Variants in TGFBR3 observed in about 807,000 individuals in gnomAD.
The protein encoded by TGFBR3 is transforming growth factor beta receptor type 3.
In TGFBR3, 46 loss-of-function variants were observed where a neutral mutation model predicts 87.9. That is an observed-to-expected ratio of 0.52 (90% CI 0.41 to 0.67). TGFBR3 has a LOEUF of 0.67. Among genes scored for constraint, TGFBR3 ranks in the 30% least tolerant of loss-of-function variants. TGFBR3 has a pLI of 0.00. For synonymous variants in TGFBR3, 381 were observed against 391.6 expected (o/e 0.97, Z 0.32); for missense variants, 866 against 1,041.9 (o/e 0.83, Z 2.32).
At chr1:91,847,758 T>A (rs1306850541) in intron 2 of TGFBR3, among the ~76,000 whole-genome samples, 1 of 152,056 alleles carries the variant, frequency 6.6e-6, no homozygotes, top group Non-Finnish European at 1.5e-5. Context: ...AAAGTCCCCC[T>A]TTTATCCACT....
intron 2 of TGFBR3, among the ~76,000 whole-genome samples, chr1:91,853,036 G>T (rs545540520): frequency 7.7e-4 from 117 of 151,728 alleles, no homozygotes; most frequent in South Asian, 2.5e-3. Context: ...GCGTGCACCC[G>T]TAGTCCCAGC....
At chr1:91,904,288 A>AT (rs1285182606) in intron 1 of TGFBR3, among the ~76,000 whole-genome samples, 10,699 of 126,048 alleles carry the variant, frequency 0.085, 460 homozygotes, top group African/African-American at 0.092. Flanking sequence ...CAGGGCTTGG[A>AT]TTTTTTTTTT....
intron 14 of TGFBR3, among the ~76,000 whole-genome samples, chr1:91,705,227 T>C: frequency 1.1e-5 from 1 of 94,146 alleles, no homozygotes; most frequent in Admixed American, 1.2e-4. Context: ...TCTCTTTTCT[T>C]TTTTTTTTTT....
intron 3 of TGFBR3, among the ~76,000 whole-genome samples, chr1:91,787,990 A>G (rs557678353): frequency 1.3e-5 from 2 of 151,934 alleles, no homozygotes; most frequent in South Asian, 4.2e-4. Flanking sequence ...CTGAGAAAGA[A>G]ACAGAAAAAC....
At chr1:91,823,521 G>A (rs1387806320) in intron 2 of TGFBR3, among the ~76,000 whole-genome samples, 8 of 152,162 alleles carry the variant, frequency 5.3e-5, no homozygotes, top group East Asian at 3.8e-4. Context: ...TCCATACCGC[G>A]GAAAACATTC....
At chr1:91,686,523 A>C (rs1156492253) in intron 16 of TGFBR3, among the ~76,000 whole-genome samples, 2 of 152,218 alleles carry the variant, frequency 1.3e-5, no homozygotes, top group Non-Finnish European at 2.9e-5. Flanking sequence ...CATCCTTTCC[A>C]GTTCTGTGGC....
chr1:91,812,749 G>A lies in TGFBR3; in HGVS notation c.62-15278C>T, dbSNP rs544004943. On this transcript the variant is annotated intron_variant, in intron 2 of 16. Coordinates refer to ENST00000212355, the MANE Select transcript of TGFBR3 (RefSeq NM_003243.5). ...CTACCTCAGCCTCCTGAGTAGCTGG[G>A]ATTACAGGTACTCACCACCATGCCC... 9.9e-5 allele frequency among the ~76,000 whole-genome samples: 15 copies of A among 152,236 alleles called. 1 individual carries two copies. The highest frequency in any genetic ancestry group is 9.1e-4 in the Admixed American group (14 of 15,302).
intron 4 of TGFBR3, among the ~76,000 whole-genome samples, chr1:91,757,527 A>AT (rs1229736388): frequency 6.6e-6 from 1 of 152,180 alleles, no homozygotes; most frequent in East Asian, 1.9e-4. Context: ...GCATCTGTTG[A>AT]TAATTCTTGC....
chr1:91,729,731 CCT>C, intron 6 of TGFBR3, 72 bp downstream of exon 6: 5 of 1,568,996 alleles, frequency 3.2e-6, no homozygotes, highest in Non-Finnish European at 4.4e-6. Flanking sequence ...ACGGGCTACA[CCT>C]CTCCCTGCCT....
At chr1:91,699,816 G>A (rs1468683176) in intron 14 of TGFBR3, among the ~76,000 whole-genome samples, 1 of 152,202 alleles carries the variant, frequency 6.6e-6, no homozygotes, top group Non-Finnish European at 1.5e-5. Context: ...GCGTAGCTCT[G>A]TCCCTAGCTG....
chr1:91,698,171 C>A, intron 14 of TGFBR3, 41 bp from the exon 15 acceptor site: 1 of 1,578,886 alleles, frequency 6.3e-7, no homozygotes, highest in African/African-American at 1.3e-5. Context: ...CTATGGAGAA[C>A]CAAGATTTAA....
Position 91,894,880 on chromosome 1 carries a change from C to T in TGFBR3, c.-114+4757G>A, listed in dbSNP as rs546622465. On this transcript the variant is annotated intron_variant, in intron 2 of 17. Coordinates refer to the TGFBR3 transcript ENST00000370399. ...CCGCCTCCTGGGTTCAAGAGATTCT[C>T]CTGCCTCAGCCTCCCGAGTAGCTGG... Among the ~76,000 whole-genome samples the T allele has an allele frequency of 1.2e-4, 18 of 152,344 alleles. No homozygotes were observed. The East Asian group carries it at 3.3e-3, about 28-fold the overall frequency.
chr1:91,753,420 T>TAAAAAA (rs1673626867), intron 4 of TGFBR3, among the ~76,000 whole-genome samples: 1 of 109,146 alleles, frequency 9.2e-6, no homozygotes, highest in Non-Finnish European at 1.9e-5. Context: ...AAAAAAAAAG[T>TAAAAAA]GCTGCAGCAA....
At chr1:91,818,277 CCTTTTTTTTTTTTTTTT>C (rs372489840) in intron 2 of TGFBR3, among the ~76,000 whole-genome samples, 20,324 of 122,506 alleles carry the variant, frequency 0.17, 4,428 homozygotes, top group Middle Eastern at 0.25. Context: ...TTAGCCCCAG[CCTTTTTTTTTTTTTTTT>C]TTTTTTTTTT....
At chr1:91,717,082 C>A (rs1171806395) in intron 10 of TGFBR3, among the ~76,000 whole-genome samples, 2 of 152,164 alleles carry the variant, frequency 1.3e-5, no homozygotes, top group Admixed American at 6.5e-5. Context: ...AAGGGGCTTC[C>A]CCTTAAGAGT....
At chr1:91,780,356 G>T (rs1674715845) in intron 3 of TGFBR3, among the ~76,000 whole-genome samples, 2 of 152,040 alleles carry the variant, frequency 1.3e-5, no homozygotes, top group Non-Finnish European at 2.9e-5. Flanking sequence ...TGGTAATCTG[G>T]TAAGACAATA....
chr1:91,753,816 A>G (rs1008720299), intron 4 of TGFBR3, among the ~76,000 whole-genome samples: 2 of 152,200 alleles, frequency 1.3e-5, no homozygotes, highest in African/African-American at 4.8e-5. Context: ...ATTCCATTAT[A>G]TGGATATAGC....
intron 2 of TGFBR3, among the ~76,000 whole-genome samples, chr1:91,827,161 G>A (rs549224555): frequency 2.2e-4 from 34 of 152,242 alleles, no homozygotes; most frequent in African/African-American, 7.9e-4. Flanking sequence ...AGCTCCCGGG[G>A]TGGGGACGCC....
intron 10 of TGFBR3, among the ~76,000 whole-genome samples, chr1:91,717,913 T>A (rs1557673961): frequency 1.3e-5 from 2 of 151,890 alleles, no homozygotes; most frequent in South Asian, 2.1e-4. Context: ...GACATATTAC[T>A]GTAGCCACTT....
Sources: gnomAD v4.1 joint callset for allele counts (sites outside exome capture counted in the v4.1 genomes callset) on GRCh38, gnomAD v4.1.1 for gene constraint, MANE v1.5 for transcripts, NCBI Gene and HGNC (gene_info 2026-07-23, HGNC 2026-07-21) for gene names.